ATF1: variants seen among roughly 807,000 people sequenced by gnomAD.
The protein encoded by ATF1 is cyclic AMP-dependent transcription factor ATF-1.
ATF1 carries 16 observed loss-of-function variants against 34.7 expected under a neutral mutation model. That is an observed-to-expected ratio of 0.46 (90% CI 0.31 to 0.70). ATF1 has a LOEUF of 0.70. Among genes scored for constraint, ATF1 ranks in the 30% least tolerant of loss-of-function variants. The pLI, the probability that ATF1 is intolerant of heterozygous loss-of-function variation, is 0.05. For synonymous variants in ATF1, 105 were observed against 113.1 expected (o/e 0.93, Z 0.46); for missense variants, 255 against 321.6 (o/e 0.79, Z 1.58).
intron 1 of ATF1, 28 bp from the exon 2 acceptor site, chr12:50,780,112 T>C (rs765082180): frequency 1.3e-6 from 2 of 1,516,436 alleles, no homozygotes; most frequent in Admixed American, 1.7e-5. Flanking sequence ...TCATATTTAA[T>C]TTTAACGGAC....
chr12:50,763,860 C>T (rs1454412231), upstream of ATF1: 3 of 152,210 alleles, frequency 2.0e-5, no homozygotes, highest in African/African-American at 7.2e-5. Context: ...AGAAACGGAA[C>T]CGCAGGCACC....
intron 2 of ATF1, among the ~76,000 whole-genome samples, chr12:50,781,336 A>AT (rs1020465977): frequency 1.3e-5 from 2 of 152,012 alleles, no homozygotes; most frequent in African/African-American, 4.8e-5. Flanking sequence ...GTATAGAGAA[A>AT]TTTTTTTTCC....
chr12:50,786,991 A>G (rs1373789724), intron 2 of ATF1, among the ~76,000 whole-genome samples: 1 of 152,206 alleles, frequency 6.6e-6, no homozygotes, highest in Non-Finnish European at 1.5e-5. Context: ...AGAAAGTCAT[A>G]CTAGAGGAAT....
intron 4 of ATF1, among the ~76,000 whole-genome samples, chr12:50,811,455 GAATT>G (rs1464727788): frequency 6.6e-6 from 1 of 151,602 alleles, no homozygotes; most frequent in Non-Finnish European, 1.5e-5. Flanking sequence ...TGTTTGTTAT[GAATT>G]AATTAAATAA....
intron 3 of ATF1, among the ~76,000 whole-genome samples, chr12:50,797,659 T>TA (rs1941434934): frequency 6.6e-6 from 1 of 151,928 alleles, no homozygotes; most frequent in African/African-American, 2.4e-5. Context: ...TTGGTAGAGA[T>TA]AGAGTCCCAC....
At chr12:50,770,816 C>T (rs1940751146) in intron 1 of ATF1, among the ~76,000 whole-genome samples, 1 of 152,122 alleles carries the variant, frequency 6.6e-6, no homozygotes, top group Admixed American at 6.5e-5. Flanking sequence ...CCAGTAATCT[C>T]TAATTGTTGC....
intron 3 of ATF1, among the ~76,000 whole-genome samples, chr12:50,800,551 G>A (rs185799845): frequency 5.1e-4 from 77 of 152,128 alleles, no homozygotes; most frequent in Middle Eastern, 3.4e-3. Flanking sequence ...GGTGAGCAGC[G>A]GGTGAGCGAG....
At chr12:50,776,538 A>G (rs1940929889) in intron 1 of ATF1, among the ~76,000 whole-genome samples, 1 of 151,342 alleles carries the variant, frequency 6.6e-6, no homozygotes, top group Admixed American at 6.6e-5. Context: ...AGACTCTGGT[A>G]AATGGATGGA....
intron 6 of ATF1, among the ~76,000 whole-genome samples, chr12:50,816,215 T>C (rs1941840013): frequency 6.6e-6 from 1 of 151,900 alleles, no homozygotes; most frequent in South Asian, 2.1e-4. Flanking sequence ...AAATCCCAGC[T>C]ACTCGGGAGG....
intron 2 of ATF1, among the ~76,000 whole-genome samples, chr12:50,794,519 C>A: frequency 6.6e-6 from 1 of 150,878 alleles, no homozygotes; most frequent in East Asian, 2.0e-4. Flanking sequence ...GAGCCAAGAT[C>A]GTGCCACTGC....
At position 50,808,825 on chromosome 12, in the gene ATF1, C is replaced by T. The variant is rs754404163; in HGVS notation, c.195-631C>T. Among the ~76,000 whole-genome samples the T allele has an allele frequency of 1.5e-4, 23 of 151,780 alleles. No homozygotes were observed. The Middle Eastern group carries it at 0.01, about 68-fold the overall frequency. On this transcript the variant is annotated intron_variant, in intron 3 of 6. Transcript: ENST00000262053. ...CGCGACCTCGACTCACTGCAACCTC[C>T]GCCTCCGGAATTCAAGCGATCCTCC...
At chr12:50,785,615 T>C (rs1941171057) in intron 2 of ATF1, among the ~76,000 whole-genome samples, 1 of 152,328 alleles carries the variant, frequency 6.6e-6, no homozygotes, top group African/African-American at 2.4e-5. Flanking sequence ...AACTGAGGCA[T>C]TGGCTAGGGC....
Position 50,810,150 on chromosome 12 carries a change from AT to A in ATF1, c.328+562del, listed in dbSNP as rs1307109000. 9.3e-5 allele frequency among the ~76,000 whole-genome samples: 14 copies of A among 150,298 alleles called. No individual in the cohort carries two copies. The South Asian group carries it at 1.5e-3, about 16-fold the overall frequency. ...GCCTGGCCTTATTTTGTTCATTCTT[AT>A]ATCTATGTAGTTCCGTACATAATTG... On this transcript the variant is annotated intron_variant, in intron 4 of 6. Transcript: ENST00000262053.
chr12:50,801,187 A>G (rs1941504546), intron 3 of ATF1, among the ~76,000 whole-genome samples: 1 of 152,220 alleles, frequency 6.6e-6, no homozygotes, highest in Non-Finnish European at 1.5e-5. Context: ...TAAGACATCT[A>G]CAACATAAAG....
chr12:50,803,892 T>C (rs1003278447), intron 3 of ATF1, among the ~76,000 whole-genome samples: 1 of 152,176 alleles, frequency 6.6e-6, no homozygotes, highest in African/African-American at 2.4e-5. Flanking sequence ...ACGTCCAAAA[T>C]AGACAAATTT....
chr12:50,800,896 T>C (rs1941499085), intron 3 of ATF1, among the ~76,000 whole-genome samples: 1 of 152,134 alleles, frequency 6.6e-6, no homozygotes, highest in Non-Finnish European at 1.5e-5. Flanking sequence ...GGTCAGGAGT[T>C]TGAGACCAGC....
intron 6 of ATF1, among the ~76,000 whole-genome samples, chr12:50,818,907 A>G (rs529678054): frequency 8.5e-4 from 129 of 152,336 alleles, no homozygotes; most frequent in Middle Eastern, 6.8e-3. Flanking sequence ...TGCCTGGCCA[A>G]TACTTCCGAT....
intron 3 of ATF1, among the ~76,000 whole-genome samples, chr12:50,796,736 T>C (rs1055876170): frequency 6.6e-6 from 1 of 151,976 alleles, no homozygotes; most frequent in Non-Finnish European, 1.5e-5. Context: ...ATCTTTATCT[T>C]ACACCATTAC....
chr12:50,811,936 A>G (rs947384582), intron 4 of ATF1, among the ~76,000 whole-genome samples: 2 of 152,240 alleles, frequency 1.3e-5, no homozygotes, highest in African/African-American at 4.8e-5. Context: ...ACATAGGCCA[A>G]TAGAACTTCG....
Sources: allele counts gnomAD v4.1 joint callset (sites outside exome capture counted in the v4.1 genomes callset), GRCh38; gene constraint gnomAD v4.1.1; transcripts MANE v1.5; gene names NCBI Gene and HGNC (gene_info 2026-07-23, HGNC 2026-07-21).